The following SLC16A3 variants were observed in gnomAD, a reference collection of about 807,000 sequenced individuals.
SLC16A3 encodes the protein solute carrier family 16 member 3, also known as monocarboxylate transporter 4.
SLC16A3 carries 22 observed loss-of-function variants against 25.0 expected under a neutral mutation model. The ratio of observed to expected loss-of-function variants is 0.88; its 90% CI spans 0.63 to 1.26. SLC16A3 has a LOEUF of 1.26. SLC16A3 is among the 50% of genes most tolerant of loss of function. The pLI is 0.00. For synonymous variants in SLC16A3, 390 were observed against 309.2 expected (o/e 1.26, Z -2.74); for missense variants, 731 against 666.6 (o/e 1.10, Z -1.06).
upstream of SLC16A3, among the ~76,000 whole-genome samples, chr17:82,224,122 C>A (rs2050405928): frequency 8.0e-6 from 1 of 124,538 alleles, no homozygotes; most frequent in Non-Finnish European, 1.7e-5. Flanking sequence ...AGACACACCC[C>A]TACACCCGTG....
Position 82,236,736 on chromosome 17 carries a change from C to T in SLC16A3, c.231C>T (p.Leu77=), listed in dbSNP as rs1398852202. 7 of 1,606,662 alleles carry T rather than the reference C, an allele frequency of 4.4e-6. No individual in the cohort carries two copies. Among genetic ancestry groups the T allele is most frequent in the Admixed American group, 1.7e-5 (1 of 60,004 alleles). ...AGCTGCTGCCCTCTCCAGGTCCGCTCTGCAGTGTGTGCGTGAACCGCTTTG... is the reference window on the plus strand; with the variant it reads ...AGCTGCTGCCCTCTCCAGGTCCGCTTTGCAGTGTGTGCGTGAACCGCTTTG... ...LLAMLYGTGP[L]CSVCVNRFGC... is the part of the protein sequence containing the mutation. Residue 77 remains leucine (L), a synonymous_variant, in exon 3 of 5, where the codon CTC becomes CTT. Transcript: ENST00000582743.
Position 82,237,458 on chromosome 17 carries a change from C to A in SLC16A3, c.688C>A (p.Leu230Ile). ...LSVFRDRGFVLYAVAASVMVL... is the reference protein window; with the variant it reads ...LSVFRDRGFVIYAVAASVMVL... ...CGTCTTCCGGGACCGCGGCTTTGTG[C>A]TTTACGCCGTGGCCGCCTCGGTCAT... Residue 230 changes from leucine (L) to isoleucine (I), a missense_variant, in exon 4 of 5, where the codon CTT becomes ATT. Transcript: ENST00000582743. 6.2e-7 allele frequency: 1 copy of A among 1,605,574 alleles called. No individual in the cohort carries two copies.
At chr17:82,228,401 G>C (rs1250528580), upstream of SLC16A3, 2 of 152,274 alleles carry the variant, frequency 1.3e-5, no homozygotes, top group Non-Finnish European at 2.9e-5. Context: ...GCAGGGCGCG[G>C]AGCCACCTGG....
Position 82,236,783 on chromosome 17 carries a change from T to G in SLC16A3, c.278T>G (p.Val93Gly). 3 of 1,608,928 alleles carry G rather than the reference T, an allele frequency of 1.9e-6. No individual in the cohort carries two copies. Among genetic ancestry groups the G allele is most frequent in the South Asian group, 1.1e-5 (1 of 91,066 alleles). The change falls in exon 3 of 5, where the codon GTG (valine) becomes GGG (glycine). Residue 93 changes from valine to glycine, a missense_variant. By Grantham distance (109) the Val-to-Gly change is moderately radical. Coordinates refer to ENST00000582743, the MANE Select transcript of SLC16A3 (RefSeq NM_004207.4). The stretch of plus-strand genomic sequence containing the variant: ...TTTGGCTGCCGGCCCGTCATGCTTG[T>G]GGGGGGTCTCTTTGCGTCGCTGGGC... ...NRFGCRPVMLVGGLFASLGMV... is the reference protein window; with the variant it reads ...NRFGCRPVMLGGGLFASLGMV...
chr17:82,239,952 C>A lies in SLC16A3; in HGVS notation c.*976C>A, dbSNP rs1318195141. 8.2e-7 allele frequency: 1 copy of A among 1,224,740 alleles called. No individual in the cohort carries two copies. The allele number at this position is 1,224,740 out of a possible 1,614,324, so 75.9% of individuals were successfully genotyped here. On this transcript the variant is annotated 3_prime_UTR_variant, in exon 5 of 5. Coordinates refer to ENST00000582743, the MANE Select transcript of SLC16A3 (RefSeq NM_004207.4). Reference sequence around the variant, plus strand: ...CAGCAGTGGCCTGCGTGGCTGGGAGCCCGGTCAGAGGCCGCCGGGGCCCTC... The same window carrying A: ...CAGCAGTGGCCTGCGTGGCTGGGAGACCGGTCAGAGGCCGCCGGGGCCCTC...
chr17:82,236,488 G>A, intron 2 of SLC16A3: 1 of 633,358 alleles, frequency 1.6e-6, no homozygotes, highest in Non-Finnish European at 2.7e-6. Flanking sequence ...ACAGGCTCCT[G>A]AGAGCCGTTC....
At chr17:82,231,079 C>T (rs2050487107) in intron 1 of SLC16A3, 1 of 152,180 alleles carries the variant, frequency 6.6e-6, no homozygotes, top group Admixed American at 6.5e-5. Context: ...TCCAGTAGGG[C>T]GCCTACTGCG....
intron 2 of SLC16A3, 163 bp from the exon 3 acceptor site, chr17:82,236,566 C>T (rs2147129249): frequency 9.9e-7 from 1 of 1,012,924 alleles, no homozygotes; most frequent in Non-Finnish European, 1.4e-6. Flanking sequence ...CACGTGTCAT[C>T]ATGGCCTGCG....
At position 82,238,704 on chromosome 17, in the gene SLC16A3, A is replaced by G; in HGVS notation, c.1126A>G (p.Lys376Glu). 6.2e-7 allele frequency: 1 copy of G among 1,606,380 alleles called. No homozygotes were observed. The highest frequency in any genetic ancestry group is 1.1e-5 in the South Asian group (1 of 90,214). The change falls in exon 5 of 5, where the codon AAA becomes GAA. Residue 376 changes from lysine (K) to glutamate (E), a missense_variant and splice_region_variant. Lys to Glu is a moderately conservative substitution (Grantham distance 56). Coordinates refer to ENST00000582743, the MANE Select transcript of SLC16A3 (RefSeq NM_004207.4). ...GGACTGACGGGGTCTTCCCGCAGGC[A>G]AACTCCTGGATGCGACCCACGTCTA... Reference protein sequence around the residue: ...AVLVGPPSGGKLLDATHVYMY... With the variant: ...AVLVGPPSGGELLDATHVYMY...
intron 1 of SLC16A3, chr17:82,235,765 G>A: frequency 1.7e-6 from 1 of 581,604 alleles, no homozygotes; most frequent in Non-Finnish European, 3.1e-6. Flanking sequence ...CTGTGAGGGT[G>A]CAGGAGGCAG....
chr17:82,227,088 G>C (rs2050427262), upstream of SLC16A3, among the ~76,000 whole-genome samples: 1 of 152,078 alleles, frequency 6.6e-6, no homozygotes, highest in Admixed American at 6.5e-5. Flanking sequence ...GACAGTCCTG[G>C]GGCCCACACC....
chr17:82,217,990 T>C (rs577787820), exon 1 of SLC16A3, among the ~76,000 whole-genome samples: 36 of 152,336 alleles, frequency 2.4e-4, no homozygotes, highest in African/African-American at 7.7e-4. Flanking sequence ...GCTGTCCTCA[T>C]GTCCTTGGCT....
chr17:82,236,746 T>C lies in SLC16A3; in HGVS notation c.241T>C (p.Cys81Arg), dbSNP rs750919114. Residue 81 changes from cysteine (C) to arginine (R), a missense_variant, in exon 3 of 5, where the codon TGC becomes CGC. Transcript: ENST00000582743. ...CTCTCCAGGTCCGCTCTGCAGTGTG[T>C]GCGTGAACCGCTTTGGCTGCCGGCC... is the stretch of plus-strand genomic sequence containing the variant. Reference protein sequence around the residue: ...LYGTGPLCSVCVNRFGCRPVM... With the variant: ...LYGTGPLCSVRVNRFGCRPVM... 1.0e-5 allele frequency: 16 copies of C among 1,607,568 alleles called. No individual in the cohort carries two copies. The highest frequency in any genetic ancestry group is 2.2e-5 in the South Asian group (2 of 91,072).
Position 82,240,053 on chromosome 17 carries a change from C to T in SLC16A3, c.*1077C>T, listed in dbSNP as rs895203929. 3 of 1,233,726 alleles carry T rather than the reference C, an allele frequency of 2.4e-6. No homozygotes were observed. Among genetic ancestry groups the T allele is most frequent in the Admixed American group, 4.2e-5 (1 of 23,706 alleles). The allele number at this position is 1,233,726 out of a possible 1,614,324, so 76.4% of individuals were successfully genotyped here. A position where few individuals can be genotyped will look rare whatever the true frequency, so the allele number is the denominator to read the frequency against. The stretch of plus-strand genomic sequence containing the variant: ...GCGTGCAGCCGGAGAGATGCCATGT[C>T]CCTGCTCCTCTGCAATGAAAAGCAA... On this transcript the variant is annotated 3_prime_UTR_variant, in exon 5 of 5. Transcript: ENST00000582743.
intron 1 of SLC16A3, among the ~76,000 whole-genome samples, chr17:82,219,363 G>A (rs1160375615): frequency 6.6e-6 from 1 of 152,080 alleles, no homozygotes; most frequent in East Asian, 1.9e-4. Context: ...AGGGGCGGGG[G>A]AGGAGCTAGT....
chr17:82,219,232 G>A (rs1053134690), intron 1 of SLC16A3, among the ~76,000 whole-genome samples: 7 of 152,128 alleles, frequency 4.6e-5, no homozygotes, highest in South Asian at 4.1e-4. Flanking sequence ...GGGCAGCGAT[G>A]GAGCCCTGCT....
intron 1 of SLC16A3, among the ~76,000 whole-genome samples, chr17:82,222,734 C>T (rs566261068): frequency 1.0e-4 from 15 of 143,516 alleles, no homozygotes; most frequent in Non-Finnish European, 2.1e-4. Context: ...ACCAGGGAGG[C>T]GGAGGTTGCA....
chr17:82,237,967 C>A, intron 4 of SLC16A3, 74 bp downstream of exon 4: 1 of 1,502,948 alleles, frequency 6.7e-7, no homozygotes, highest in Non-Finnish European at 9.0e-7. Context: ...AGGGGGGGGA[C>A]GCGCACCCCT....
chr17:82,237,353 G>C lies in SLC16A3; in HGVS notation c.583G>C (p.Ala195Pro). ...GCTGCTCAACTGCTGCGTGTGTGCC[G>C]CACTCATGAGGCCCCTGGTGGTCAC... ...GLLLNCCVCA[A>P]LMRPLVVTAQ... The change falls in exon 4 of 5, where the codon GCA becomes CCA. Residue 195 changes from alanine (A) to proline (P), a missense_variant. Physicochemically the swap from Ala to Pro is conservative, Grantham distance 27. Coordinates refer to ENST00000582743, the MANE Select transcript of SLC16A3 (RefSeq NM_004207.4). 6.5e-7 allele frequency: 1 copy of C among 1,538,370 alleles called. No homozygotes were observed. Among genetic ancestry groups the C allele is most frequent in the Non-Finnish European group, 8.8e-7 (1 of 1,140,110 alleles).
Sources: gnomAD v4.1 joint callset for allele counts (sites outside exome capture counted in the v4.1 genomes callset) on GRCh38, gnomAD v4.1.1 for gene constraint, MANE v1.5 for transcripts, NCBI Gene and HGNC (gene_info 2026-07-23, HGNC 2026-07-21) for gene names.